PTPRB: variants seen among roughly 807,000 people sequenced by gnomAD.
The protein encoded by PTPRB is protein tyrosine phosphatase receptor type B.
PTPRB carries 97 observed loss-of-function variants against 238.1 expected under a neutral mutation model. That is an observed-to-expected ratio of 0.41 (90% CI 0.35 to 0.48). The LOEUF (loss-of-function observed/expected upper bound fraction) is 0.48, where lower values mean the gene tolerates loss of function less well. PTPRB is among the 20% of genes least tolerant of loss of function. The probability of loss-of-function intolerance (pLI) is 0.30; values close to 1 mark genes in which losing one functional copy is unlikely to be tolerated. For synonymous variants in PTPRB, 970 were observed against 995.4 expected, an observed-to-expected ratio of 0.97 and a Z score of 0.48; for missense variants, 2,292 against 2,681.9, an observed-to-expected ratio of 0.85 and a Z score of 3.21.
At chr12:70,541,233 AC>A (rs1875055144) in intron 22 of PTPRB, 2 of 267,790 alleles carry the variant, frequency 7.5e-6, no homozygotes, top group Non-Finnish European at 1.4e-5. Context: ...TGGACTTTGC[AC>A]TTGTATATAA....
chr12:70,524,727 G>A, intron 32 of PTPRB, 136 bp from the exon 33 acceptor site: 1 of 905,414 alleles, frequency 1.1e-6, no homozygotes, highest in Non-Finnish European at 1.6e-6. Flanking sequence ...AATGGTCTCT[G>A]GTAAATAAAA....
chr12:70,556,243 T>C (rs1877661586), intron 18 of PTPRB, 95 bp from the exon 19 acceptor site: 1 of 1,140,510 alleles, frequency 8.8e-7, no homozygotes, highest in Non-Finnish European at 1.2e-6. Flanking sequence ...GATCTAGGTA[T>C]AGGAGGGACA....
At chr12:70,609,931 G>T in intron 3 of PTPRB, 1 of 920,870 alleles carries the variant, frequency 1.1e-6, no homozygotes. Flanking sequence ...GGCGCAGCGC[G>T]CTTCCCTCGG....
At chr12:70,550,940 G>C (rs1380589699) in intron 21 of PTPRB, among the ~76,000 whole-genome samples, 3 of 151,698 alleles carry the variant, frequency 2.0e-5, no homozygotes, top group Admixed American at 2.0e-4. Context: ...CTGTCGCCCA[G>C]GCTGGAGTAC....
Position 70,520,096 on chromosome 12 carries a change from T to A in PTPRB, c.*1393A>T. Reference sequence around the variant, plus strand: ...CAAACTTGACCTCTAATTCCCAAGTTTATTACAGAAAAATTTGTAGTGTGA... The same window carrying A: ...CAAACTTGACCTCTAATTCCCAAGTATATTACAGAAAAATTTGTAGTGTGA... On this transcript the variant is annotated 3_prime_UTR_variant, in exon 34 of 34. Coordinates refer to ENST00000334414, the MANE Select transcript of PTPRB (RefSeq NM_001109754.4). 1 of 392,628 alleles carries A rather than the reference T, an allele frequency of 2.5e-6. No individual in the cohort carries two copies. The highest frequency in any genetic ancestry group is 5.0e-6 in the Non-Finnish European group (1 of 198,230). 24.3% of individuals were successfully genotyped at this position (392,628 alleles called of 1,614,324 possible). A position where few individuals can be genotyped will look rare whatever the true frequency, so the allele number is the denominator to read the frequency against.
chr12:70,623,911 A>G (rs1885058157), intron 2 of PTPRB, among the ~76,000 whole-genome samples: 1 of 152,074 alleles, frequency 6.6e-6, no homozygotes. Flanking sequence ...TGCATTTCGT[A>G]TGATAATGGA....
chr12:70,565,613 C>T (rs1446574656), intron 15 of PTPRB, among the ~76,000 whole-genome samples: 2 of 152,186 alleles, frequency 1.3e-5, no homozygotes, highest in African/African-American at 4.8e-5. Context: ...TCTGTCTCGT[C>T]AGTCAGCTCT....
intron 4 of PTPRB, among the ~76,000 whole-genome samples, chr12:70,602,565 T>C (rs1338909724): frequency 1.3e-5 from 2 of 152,230 alleles, no homozygotes. Context: ...TTAGATGTGA[T>C]AATTATATTG....
intron 10 of PTPRB, among the ~76,000 whole-genome samples, chr12:70,579,345 A>G (rs1465986051): frequency 6.6e-6 from 1 of 152,132 alleles, no homozygotes; most frequent in Non-Finnish European, 1.5e-5. Flanking sequence ...CAAGTATGCT[A>G]CACCAATGGA....
At chr12:70,549,843 G>A (rs978315935) in intron 21 of PTPRB, among the ~76,000 whole-genome samples, 1 of 152,198 alleles carries the variant, frequency 6.6e-6, no homozygotes, top group African/African-American at 2.4e-5. Context: ...GGAAAGGTGT[G>A]TTCTGAAAAA....
chr12:70,580,632 C>T, intron 10 of PTPRB, among the ~76,000 whole-genome samples: 1 of 152,040 alleles, frequency 6.6e-6, no homozygotes, highest in Non-Finnish European at 1.5e-5. Context: ...GCAGCCTGAC[C>T]AACGTGGAGA....
intron 9 of PTPRB, among the ~76,000 whole-genome samples, chr12:70,586,705 ACCATAGTT>A (rs779061453): frequency 2.0e-5 from 3 of 152,106 alleles, no homozygotes; most frequent in Non-Finnish European, 4.4e-5. Flanking sequence ...CCTCCTTTCA[ACCATAGTT>A]CCTCTTCTAG....
At chr12:70,621,852 T>C (rs1277606750) in intron 3 of PTPRB, among the ~76,000 whole-genome samples, 2 of 152,220 alleles carry the variant, frequency 1.3e-5, no homozygotes, top group African/African-American at 4.8e-5. Flanking sequence ...CAGACTCCTA[T>C]GATGGTGCCA....
chr12:70,535,216 T>C (rs1467731564), intron 29 of PTPRB, among the ~76,000 whole-genome samples: 2 of 144,326 alleles, frequency 1.4e-5, no homozygotes, highest in Non-Finnish European at 3.0e-5. Flanking sequence ...CAGTAATATA[T>C]GGCTTGAGTT....
rs771623349 is a variant in PTPRB at position 70,571,162 on chromosome 12, T to G, written c.3234A>C (p.Val1078=). The change falls in exon 13 of 34, where the codon GTA becomes GTC. Residue 1078 remains valine (V), a synonymous_variant. Coordinates refer to ENST00000334414, the MANE Select transcript of PTPRB (RefSeq NM_001109754.4). ...EIQLLFNDMK[V]FPPFHLVNTA... ...TATTTACAAGGTGAAAAGGAGGAAA[T>G]ACTTTCATGTCATTGAAGAGCAGCT... The G allele has an allele frequency of 6.2e-7, 1 of 1,613,982 alleles. No individual in the cohort carries two copies. Among genetic ancestry groups the G allele is most frequent in the Non-Finnish European group, 8.5e-7 (1 of 1,179,892 alleles).
chr12:70,589,827 TA>T, intron 8 of PTPRB, 136 bp downstream of exon 8: 1 of 795,712 alleles, frequency 1.3e-6, no homozygotes, highest in South Asian at 1.9e-5. Context: ...AACCCCATGT[TA>T]GCCTTAAAGT....
In PTPRB at chr12:70,520,367, T is replaced by C. The variant is rs181088689; in HGVS notation, c.*1122A>G. 3.8e-4 allele frequency: 90 copies of C among 234,734 alleles called. No homozygotes were observed. The highest frequency in any genetic ancestry group is 2.5e-3 in the Admixed American group (44 of 17,918). The allele number at this position is 234,734 out of a possible 1,614,324, so 14.5% of individuals were successfully genotyped here. A position where few individuals can be genotyped will look rare whatever the true frequency, so the allele number is the denominator to read the frequency against. Reference sequence around the variant, plus strand: ...GTGATTACTTGACATTTTGACTTCATTGATTTACTAAAAGAAGTTTTGAAA... The same window carrying C: ...GTGATTACTTGACATTTTGACTTCACTGATTTACTAAAAGAAGTTTTGAAA... On this transcript the variant is annotated 3_prime_UTR_variant, in exon 34 of 34. Transcript: ENST00000334414.
chr12:70,535,334 G>A (rs1441775969), intron 29 of PTPRB, among the ~76,000 whole-genome samples: 5 of 149,180 alleles, frequency 3.4e-5, no homozygotes, highest in African/African-American at 9.9e-5. Flanking sequence ...ATCTAGTTGG[G>A]TAGAGGAAGG....
chr12:70,545,560 A>G (rs55868435), intron 21 of PTPRB, among the ~76,000 whole-genome samples: 23,858 of 152,230 alleles, frequency 0.16, 2,224 homozygotes, highest in Non-Finnish European at 0.22. Context: ...CATATATACA[A>G]TGGCAAATGA....
Sources: gnomAD v4.1 joint callset for allele counts (sites outside exome capture counted in the v4.1 genomes callset) on GRCh38, gnomAD v4.1.1 for gene constraint, MANE v1.5 for transcripts, NCBI Gene and HGNC (gene_info 2026-07-23, HGNC 2026-07-21) for gene names.